The following GANC variants were observed in gnomAD, a reference collection of about 807,000 sequenced individuals.
The protein encoded by GANC is glucosidase alpha, neutral C, also known as neutral alpha-glucosidase C.
In GANC, 117 loss-of-function variants were observed where a neutral mutation model predicts 124.2. That is an observed-to-expected ratio of 0.94 (90% CI 0.81 to 1.10). GANC has a LOEUF of 1.10. Ranked by LOEUF, GANC falls within the 50% of genes least tolerant of loss-of-function variation. The pLI is 0.00. For missense variants in GANC, 1,140 were observed against 1,095.0 expected, an observed-to-expected ratio of 1.04 and a Z score of -0.58; for synonymous variants, 377 against 376.8, an observed-to-expected ratio of 1.00 and a Z score of -0.01.
At chr15:42,296,700 G>T (rs1039765298) in intron 5 of GANC, among the ~76,000 whole-genome samples, 1 of 151,726 alleles carries the variant, frequency 6.6e-6, no homozygotes, top group Non-Finnish European at 1.5e-5. Flanking sequence ...GACTCCTTGG[G>T]GTTTTTAATT....
At position 42,316,282 on chromosome 15, in the gene GANC, G is replaced by C. The variant is rs185077813; in HGVS notation, c.1057+5436G>C. Among the ~76,000 whole-genome samples, 296 of 152,294 alleles carry C rather than the reference G, an allele frequency of 1.9e-3. 2 individuals carry two copies. Among genetic ancestry groups the C allele is most frequent in the Admixed American group, 3.7e-3 (56 of 15,294 alleles). On this transcript the variant is annotated intron_variant, in intron 10 of 23. Transcript: ENST00000318010. Reference sequence around the variant, plus strand: ...TAAAGACACAAGACAAAGAGATAAAGAGAAAACAGCTGGGCCCAGGGGACC... The same window carrying C: ...TAAAGACACAAGACAAAGAGATAAACAGAAAACAGCTGGGCCCAGGGGACC...
At chr15:42,320,097 T>C (rs1159218244) in intron 10 of GANC, among the ~76,000 whole-genome samples, 1 of 152,028 alleles carries the variant, frequency 6.6e-6, no homozygotes, top group Non-Finnish European at 1.5e-5. Flanking sequence ...GGCAGGAAAA[T>C]CGCTTGAACC....
At chr15:42,347,175 A>G (rs962081790) in intron 20 of GANC, among the ~76,000 whole-genome samples, 10 of 135,342 alleles carry the variant, frequency 7.4e-5, no homozygotes, top group African/African-American at 1.4e-4. Context: ...TTGTTCTTTG[A>G]AAAAAAAAAA....
At chr15:42,289,855 G>A (rs2141024728) in intron 4 of GANC, among the ~76,000 whole-genome samples, 1 of 152,260 alleles carries the variant, frequency 6.6e-6, no homozygotes, top group South Asian at 2.1e-4. Flanking sequence ...GATGATTAGG[G>A]TAGGCTCTAA....
chr15:42,352,071 A>G lies in GANC; in HGVS notation c.2677A>G (p.Thr893Ala), dbSNP rs765565560. 5.6e-6 allele frequency: 9 copies of G among 1,614,158 alleles called. No homozygotes were observed. The South Asian group carries it at 9.9e-5, about 18-fold the overall frequency. Reference sequence around the variant, plus strand: ...TGTGGCTTTTACGTATTGTGCCAAAACATCCATCCTGAGCCTGGAGAAGCT... The same window carrying G: ...TGTGGCTTTTACGTATTGTGCCAAAGCATCCATCCTGAGCCTGGAGAAGCT... ...QPVAFTYCAK[T>A]SILSLEKLSL... The change falls in exon 24 of 24, where the codon ACA becomes GCA. Residue 893 changes from threonine to alanine, a missense_variant. Coordinates refer to ENST00000318010, the MANE Select transcript of GANC (RefSeq NM_198141.3).
intron 15 of GANC, among the ~76,000 whole-genome samples, chr15:42,336,245 G>T (rs537859745): frequency 6.6e-6 from 1 of 151,934 alleles, no homozygotes; most frequent in African/African-American, 2.4e-5. Flanking sequence ...CTACAAGGCT[G>T]CAGTAACCAA....
chr15:42,325,621 CCTGCCT>C (rs551632893), intron 11 of GANC, among the ~76,000 whole-genome samples: 9,740 of 152,226 alleles, frequency 0.064, 395 homozygotes, highest in South Asian at 0.16. Flanking sequence ...GAGCAGGTAC[CCTGCCT>C]ACTTAGTTCT....
chr15:42,289,043 C>T (rs1308213434), intron 4 of GANC, among the ~76,000 whole-genome samples: 1 of 152,170 alleles, frequency 6.6e-6, no homozygotes, highest in Non-Finnish European at 1.5e-5. Context: ...GGTGATAATT[C>T]ACTTGGTATG....
chr15:42,305,045 A>C (rs7172457), intron 6 of GANC, among the ~76,000 whole-genome samples: 146,473 of 152,110 alleles, frequency 0.96, 70,660 homozygotes, highest in Non-Finnish European at 1. Flanking sequence ...AGGACATAAG[A>C]AATGGAAAAG....
In GANC at chr15:42,348,234, T is replaced by A; in HGVS notation, c.2418+18T>A. The A allele has an allele frequency of 6.7e-7, 1 of 1,503,266 alleles. No individual in the cohort carries two copies. Among genetic ancestry groups the A allele is most frequent in the Non-Finnish European group, 9.2e-7 (1 of 1,082,404 alleles). The allele number at this position is 1,503,266 out of a possible 1,614,324, so 93.1% of individuals were successfully genotyped here. On this transcript the variant is annotated intron_variant, in intron 21 of 23. Transcript: ENST00000318010. ...GCACTAAGGTATTTGGTAAATCTGT[T>A]ACTCATTTTGTTTCTACTCTTTCTT...
At position 42,339,778 on chromosome 15, in the gene GANC, G is replaced by A. The variant is rs35039186; in HGVS notation, c.1953G>A (p.Lys651=). The part of the protein sequence containing the change: ...FFRGHATMNT[K]RREPWLFGEE... ...GTGGCCATGCCACCATGAACACCAA[G>A]CGACGAGAGCCCTGGCTCTTTGGGG... is the stretch of plus-strand genomic sequence containing the variant. Residue 651 remains lysine, a synonymous_variant, in exon 17 of 24, where the codon AAG becomes AAA. Coordinates refer to ENST00000318010, the MANE Select transcript of GANC (RefSeq NM_198141.3). 0.087 allele frequency: 140,885 copies of A among 1,614,024 alleles called. 7,363 individuals are homozygous for A. The highest frequency in any genetic ancestry group is 0.2 in the South Asian group (17,952 of 91,074).
intron 22 of GANC, among the ~76,000 whole-genome samples, chr15:42,349,998 T>C (rs1311043819): frequency 2.0e-5 from 3 of 150,910 alleles, no homozygotes; most frequent in African/African-American, 7.3e-5. Flanking sequence ...TCCTCCCTTA[T>C]TGTCTTCACC....
At chr15:42,289,956 G>A (rs937536006) in intron 4 of GANC, among the ~76,000 whole-genome samples, 8 of 152,166 alleles carry the variant, frequency 5.3e-5, no homozygotes, top group African/African-American at 1.9e-4. Flanking sequence ...TAGTGATAAG[G>A]CAGCCATCTG....
intron 11 of GANC, among the ~76,000 whole-genome samples, chr15:42,322,653 T>C (rs373889361): frequency 1.3e-5 from 2 of 152,192 alleles, no homozygotes; most frequent in South Asian, 2.1e-4. Context: ...AAAAGTCAAA[T>C]ATCAAATATG....
rs965592798 is a variant in GANC, at chr15:42,305,924, C to A, written c.559-622C>A. Among the ~76,000 whole-genome samples, 12 of 151,476 alleles carry A rather than the reference C, an allele frequency of 7.9e-5. No homozygotes were observed. In the East Asian group the frequency reaches 2.3e-3, roughly 29 times the overall value. ...CACATGGACACAGGGAGGGGAACAT[C>A]ACACACCGGGGTCTGTTGGGGGATG... On this transcript the variant is annotated intron_variant, in intron 6 of 23. Coordinates refer to ENST00000318010, the MANE Select transcript of GANC (RefSeq NM_198141.3).
At chr15:42,314,022 A>C in intron 10 of GANC, 1 of 688,038 alleles carries the variant, frequency 1.5e-6, no homozygotes, top group South Asian at 1.6e-5. Context: ...CTGGATGCTT[A>C]AAATGAATTT....
At chr15:42,305,978 G>A (rs555500429) in intron 6 of GANC, among the ~76,000 whole-genome samples, 2 of 151,824 alleles carry the variant, frequency 1.3e-5, no homozygotes, top group East Asian at 1.9e-4. Context: ...AGCATTAGGA[G>A]TAATACCTAA....
chr15:42,319,301 C>T (rs889269443), intron 10 of GANC, among the ~76,000 whole-genome samples: 9 of 151,998 alleles, frequency 5.9e-5, no homozygotes, highest in Non-Finnish European at 1.0e-4. Context: ...CAGACAAACT[C>T]ATGATCAATG....
Position 42,299,532 on chromosome 15 carries a change from A to T in GANC, c.558+1876A>T, listed in dbSNP as rs899738516. 3.9e-5 allele frequency among the ~76,000 whole-genome samples: 6 copies of T among 152,180 alleles called. No homozygotes were observed. In the East Asian group the frequency reaches 1.2e-3, roughly 29 times the overall value. The stretch of plus-strand genomic sequence containing the variant: ...TTGGCCTGAAGTTTTCTTACTGCCC[A>T]AAATAATTTATAGATTCAATGCTAT... On this transcript the variant is annotated intron_variant, in intron 6 of 23. Coordinates refer to ENST00000318010, the MANE Select transcript of GANC (RefSeq NM_198141.3).
Sources: allele counts gnomAD v4.1 joint callset (sites outside exome capture counted in the v4.1 genomes callset), GRCh38; gene constraint gnomAD v4.1.1; transcripts MANE v1.5; gene names NCBI Gene and HGNC (gene_info 2026-07-23, HGNC 2026-07-21).